Variants in EEA1 observed in about 807,000 individuals in gnomAD.
EEA1 encodes the protein early endosome antigen 1, 162kD.
EEA1 carries 111 observed loss-of-function variants against 209.2 expected under a neutral mutation model. The ratio of observed to expected loss-of-function variants is 0.53; its 90% confidence interval spans 0.45 to 0.62. EEA1 has a LOEUF of 0.62. Among genes scored for constraint, EEA1 ranks in the 20% least tolerant of loss-of-function variants. The pLI is 0.00. For synonymous variants in EEA1, 536 were observed against 540.6 expected, an observed-to-expected ratio of 0.99 and a Z score of 0.12; for missense variants, 1,343 against 1,530.8, an observed-to-expected ratio of 0.88 and a Z score of 2.05.
At chr12:92,829,274 T>C (rs1876489642) in intron 11 of EEA1, among the ~76,000 whole-genome samples, 1 of 151,690 alleles carries the variant, frequency 6.6e-6, no homozygotes, top group Non-Finnish European at 1.5e-5. Context: ...GCCACTGCAC[T>C]CCAGCCTAGG....
chr12:92,904,927 T>C (rs1019952231), intron 1 of EEA1, among the ~76,000 whole-genome samples: 2 of 152,206 alleles, frequency 1.3e-5, no homozygotes, highest in Admixed American at 6.5e-5. Flanking sequence ...TAAGCATGAT[T>C]GACTAAGTCA....
At chr12:92,859,138 A>G in intron 3 of EEA1, 1 of 1,375,364 alleles carries the variant, frequency 7.3e-7, no homozygotes, top group Non-Finnish European at 1.0e-6. Context: ...GATTATAAAG[A>G]AGAATTTTGA....
intron 2 of EEA1, chr12:92,883,905 G>T (rs1879273505): frequency 6.3e-7 from 1 of 1,581,666 alleles, no homozygotes; most frequent in Non-Finnish European, 8.6e-7. Context: ...CGGACTGTGT[G>T]GTAATGAGAG....
chr12:92,814,021 G>A (rs1265398612), intron 15 of EEA1, among the ~76,000 whole-genome samples: 1 of 151,602 alleles, frequency 6.6e-6, no homozygotes, highest in African/African-American at 2.4e-5. Flanking sequence ...CAGAAAAAAA[G>A]AAAGAAAGAA....
At chr12:92,808,391 A>G (rs1190127297) in intron 18 of EEA1, among the ~76,000 whole-genome samples, 1 of 152,226 alleles carries the variant, frequency 6.6e-6, no homozygotes, top group Non-Finnish European at 1.5e-5. Context: ...CATCAATAAG[A>G]AAAACAAGAA....
intron 1 of EEA1, among the ~76,000 whole-genome samples, chr12:92,897,917 T>C (rs1016744054): frequency 1.3e-5 from 2 of 152,272 alleles, no homozygotes; most frequent in Non-Finnish European, 2.9e-5. Context: ...GACATAATGC[T>C]ATTGCACACT....
chr12:92,886,382 C>T (rs1164139403), intron 2 of EEA1, among the ~76,000 whole-genome samples: 2 of 39,758 alleles, frequency 5.0e-5, no homozygotes, highest in Non-Finnish European at 9.1e-5. Flanking sequence ...AAAGAAGAGG[C>T]GAGGAGAGGG....
intron 2 of EEA1, among the ~76,000 whole-genome samples, chr12:92,889,779 T>C (rs551448111): frequency 6.6e-6 from 1 of 152,150 alleles, no homozygotes; most frequent in African/African-American, 2.4e-5. Flanking sequence ...CCAGGTGTGG[T>C]AGCATGCACC....
At chr12:92,875,414 C>A (rs1232450432) in intron 2 of EEA1, among the ~76,000 whole-genome samples, 2 of 151,986 alleles carry the variant, frequency 1.3e-5, no homozygotes, top group Admixed American at 6.6e-5. Context: ...CCAGACTGGG[C>A]GACAGAGTGA....
At chr12:92,892,038 A>G (rs1879673172) in intron 1 of EEA1, among the ~76,000 whole-genome samples, 1 of 152,198 alleles carries the variant, frequency 6.6e-6, no homozygotes, top group African/African-American at 2.4e-5. Context: ...TTATCTCTGT[A>G]GAGAAGAAAA....
chr12:92,871,236 G>C (rs923040436), intron 2 of EEA1, among the ~76,000 whole-genome samples: 2 of 151,998 alleles, frequency 1.3e-5, no homozygotes, highest in Non-Finnish European at 2.9e-5. Context: ...GAGAAACCAC[G>C]CAGACTTCCC....
chr12:92,829,222 G>A (rs971523667), intron 11 of EEA1, among the ~76,000 whole-genome samples: 3 of 152,016 alleles, frequency 2.0e-5, no homozygotes, highest in Non-Finnish European at 4.4e-5. Flanking sequence ...CAGGAGAATC[G>A]CTTGAACCCG....
intron 1 of EEA1, among the ~76,000 whole-genome samples, chr12:92,898,635 G>T (rs1880000934): frequency 6.8e-6 from 1 of 146,616 alleles, no homozygotes; most frequent in South Asian, 2.2e-4. Context: ...CCGCACTCCA[G>T]CCTGGGTGAC....
At chr12:92,838,900 G>A (rs536051043) in intron 10 of EEA1, among the ~76,000 whole-genome samples, 2 of 152,002 alleles carry the variant, frequency 1.3e-5, no homozygotes, top group Non-Finnish European at 2.9e-5. Flanking sequence ...GAGTTATACT[G>A]AACTAGCCAC....
chr12:92,811,446 T>C lies in EEA1; in HGVS notation c.2044-12A>G. 1 of 1,521,478 alleles carries C rather than the reference T, an allele frequency of 6.6e-7. No individual in the cohort carries two copies. Among genetic ancestry groups the C allele is most frequent in the Non-Finnish European group, 8.8e-7 (1 of 1,140,468 alleles). The allele number at this position is 1,521,478 out of a possible 1,614,324, so 94.2% of individuals were successfully genotyped here. A position where few individuals can be genotyped will look rare whatever the true frequency, so the allele number is the denominator to read the frequency against. On this transcript the variant is annotated splice_polypyrimidine_tract_variant and intron_variant, in intron 16 of 28. Coordinates refer to ENST00000322349, the MANE Select transcript of EEA1 (RefSeq NM_003566.4). ...ATCTTATTTAACTCCTTTAGAAAAGTACAATTGAAGAAAACTTTGGTAAGG... is the reference window on the plus strand; with the variant it reads ...ATCTTATTTAACTCCTTTAGAAAAGCACAATTGAAGAAAACTTTGGTAAGG...
At chr12:92,838,893 T>G in intron 10 of EEA1, among the ~76,000 whole-genome samples, 1 of 152,056 alleles carries the variant, frequency 6.6e-6, no homozygotes, top group Non-Finnish European at 1.5e-5. Context: ...TGTGATTGAG[T>G]TATACTGAAC....
Position 92,780,396 on chromosome 12 carries a change from C to G in EEA1, c.3352G>C (p.Glu1118Gln), listed in dbSNP as rs1873855573. 6.5e-7 allele frequency: 1 copy of G among 1,535,178 alleles called. No homozygotes were observed. The highest frequency in any genetic ancestry group is 8.8e-7 in the Non-Finnish European group (1 of 1,134,230). Residue 1118 changes from glutamate to glutamine, a missense_variant, in exon 24 of 29, where the codon GAA becomes CAA. By Grantham distance (29) the Glu-to-Gln change is conservative (BLOSUM62 2). This residue lies in a region of EEA1 where 1,307 missense variants were observed against 1,465.5 expected (regional missense o/e 0.89). Coordinates refer to ENST00000322349, the MANE Select transcript of EEA1 (RefSeq NM_003566.4). ...IQKEKSLKEK[E>Q]LVNEKSKLAE... Reference sequence around the variant, plus strand: ...AATTTAGACTTCTCATTTACCAGTTCTTTTTCTTTCAGTGACTGTAGAAAA... The same window carrying G: ...AATTTAGACTTCTCATTTACCAGTTGTTTTTCTTTCAGTGACTGTAGAAAA...
intron 21 of EEA1, among the ~76,000 whole-genome samples, chr12:92,794,744 T>TGGGGGGGG (rs1874579356): frequency 9.2e-6 from 1 of 108,362 alleles, no homozygotes; most frequent in African/African-American, 3.4e-5. Context: ...GGTGGGGGGC[T>TGGGGGGGG]GGGGGAGGGA....
intron 9 of EEA1, among the ~76,000 whole-genome samples, chr12:92,845,109 AGT>A (rs1565832458): frequency 6.6e-6 from 1 of 152,168 alleles, no homozygotes; most frequent in African/African-American, 2.4e-5. Flanking sequence ...CTGGACATTA[AGT>A]GTATCATTTA....
Sources: gnomAD v4.1 joint callset for allele counts (sites outside exome capture counted in the v4.1 genomes callset) on GRCh38, gnomAD v4.1.1 for gene constraint, gnomAD v4.1.1 regional missense constraint, MANE v1.5 for transcripts, NCBI Gene and HGNC (gene_info 2026-07-23, HGNC 2026-07-21) for gene names.